Variants in HMGB1 observed in about 807,000 individuals in gnomAD.
The protein encoded by HMGB1 is high mobility group box 1.
For synonymous variants in HMGB1, 81 were observed against 84.0 expected, an observed-to-expected ratio of 0.96 and a Z score of 0.19; for missense variants, 79 against 253.5, an observed-to-expected ratio of 0.31 and a Z score of 4.67.
intron 1 of HMGB1, among the ~76,000 whole-genome samples, chr13:30,560,762 C>A (rs1869915779): frequency 6.6e-6 from 1 of 152,098 alleles, no homozygotes; most frequent in Non-Finnish European, 1.5e-5. Context: ...AGAAGAGGCT[C>A]AGAAAATTCT....
intron 1 of HMGB1, among the ~76,000 whole-genome samples, chr13:30,495,020 A>G (rs1417887064): frequency 2.6e-5 from 4 of 152,148 alleles, no homozygotes; most frequent in African/African-American, 4.8e-5. Context: ...CACCTTTAAG[A>G]TGGAATCATA....
chr13:30,536,490 T>C (rs1390443326), intron 1 of HMGB1, among the ~76,000 whole-genome samples: 1 of 152,152 alleles, frequency 6.6e-6, no homozygotes, highest in Non-Finnish European at 1.5e-5. Context: ...GCTGGGACTA[T>C]AGGCACATGC....
intron 1 of HMGB1, among the ~76,000 whole-genome samples, chr13:30,511,688 G>C (rs1005248046): frequency 3.3e-5 from 5 of 152,266 alleles, no homozygotes; most frequent in Admixed American, 3.3e-4. Context: ...ATCTTAGGCT[G>C]GGCCTTGCAT....
intron 1 of HMGB1, among the ~76,000 whole-genome samples, chr13:30,564,383 T>G (rs538233684): frequency 4.3e-4 from 65 of 151,886 alleles, no homozygotes; most frequent in Admixed American, 1.4e-3. Context: ...CAAGAATCAT[T>G]TGAACCCAGG....
intron 1 of HMGB1, among the ~76,000 whole-genome samples, chr13:30,582,497 G>A (rs1454676324): frequency 6.6e-6 from 1 of 152,038 alleles, no homozygotes; most frequent in African/African-American, 2.4e-5. Context: ...AATTAACCGG[G>A]CGTGGTGGCG....
intron 1 of HMGB1, among the ~76,000 whole-genome samples, chr13:30,549,994 G>A (rs1362827497): frequency 1.3e-5 from 2 of 152,174 alleles, no homozygotes; most frequent in Non-Finnish European, 2.9e-5. Flanking sequence ...TGGGGTTACA[G>A]GCATGAGCCA....
At chr13:30,562,966 G>A (rs1023496431) in intron 1 of HMGB1, among the ~76,000 whole-genome samples, 2 of 152,206 alleles carry the variant, frequency 1.3e-5, no homozygotes, top group South Asian at 2.1e-4. Context: ...TGTTAATGGC[G>A]ATGCCATGTA....
chr13:30,461,802 A>G, intron 4 of HMGB1: 1 of 636,390 alleles, frequency 1.6e-6, no homozygotes, highest in Non-Finnish European at 2.6e-6. Flanking sequence ...TATGTACCAC[A>G]TCCTAACTCT....
At chr13:30,576,047 CATTGGT>C (rs1387796122) in intron 1 of HMGB1, among the ~76,000 whole-genome samples, 2 of 152,200 alleles carry the variant, frequency 1.3e-5, no homozygotes, top group Non-Finnish European at 2.9e-5. Flanking sequence ...TCAAGGCCAA[CATTGGT>C]ATTCTCTCCT....
intron 1 of HMGB1, among the ~76,000 whole-genome samples, chr13:30,532,375 G>T (rs1211027676): frequency 6.7e-6 from 1 of 149,200 alleles, no homozygotes; most frequent in Non-Finnish European, 1.5e-5. Flanking sequence ...TTTGCAACTT[G>T]TTTTTTTTCC....
intron 1 of HMGB1, among the ~76,000 whole-genome samples, chr13:30,494,863 A>G (rs1203984629): frequency 6.6e-6 from 1 of 150,852 alleles, no homozygotes; most frequent in African/African-American, 2.4e-5. Flanking sequence ...GAATTTGACT[A>G]CTCTAGGTGG....
chr13:30,494,203 A>G (rs1887560719), intron 1 of HMGB1, among the ~76,000 whole-genome samples: 1 of 152,056 alleles, frequency 6.6e-6, no homozygotes, highest in Admixed American at 6.6e-5. Flanking sequence ...CTCATCATCT[A>G]CCTAATCAGC....
intron 1 of HMGB1, among the ~76,000 whole-genome samples, chr13:30,565,665 T>C (rs374027698): frequency 2.7e-4 from 41 of 152,306 alleles, no homozygotes; most frequent in African/African-American, 9.4e-4. Context: ...CTGATATGCT[T>C]CCAGAGGGCA....
At chr13:30,472,853 CTTT>C (rs11434170) in intron 1 of HMGB1, among the ~76,000 whole-genome samples, 8 of 144,630 alleles carry the variant, frequency 5.5e-5, no homozygotes, top group Admixed American at 1.4e-4. Context: ...ATACTGAAAA[CTTT>C]TTTTTTTTTT....
chr13:30,540,253 C>A, intron 1 of HMGB1: 1 of 184,664 alleles, frequency 5.4e-6, no homozygotes, highest in Non-Finnish European at 1.2e-5. Context: ...TCTGTAGGGA[C>A]GCTCCTCTTT....
rs561518112 is a variant in HMGB1 at position 30,529,606 on chromosome 13, T to C, written c.-14-65912A>G. Among the ~76,000 whole-genome samples, 5 of 152,324 alleles carry C rather than the reference T, an allele frequency of 3.3e-5. No individual in the cohort carries two copies. In the South Asian group the frequency reaches 1.0e-3, roughly 32 times the overall value. On this transcript the variant is annotated intron_variant, in intron 1 of 4. Transcript: ENST00000405805. ...GGTGATGAACGCAAACTTGATTCAC[T>C]TGTATTGGCTCCTCCAGATGCTGAG...
At chr13:30,474,826 C>G (rs1404804367) in intron 1 of HMGB1, among the ~76,000 whole-genome samples, 2 of 140,484 alleles carry the variant, frequency 1.4e-5, no homozygotes, top group Non-Finnish European at 1.5e-5. Flanking sequence ...AATGGTGCAA[C>G]CTTGGCACTC....
intron 3 of HMGB1, 120 bp from the exon 4 acceptor site, chr13:30,462,832 G>C: frequency 2.7e-6 from 2 of 752,936 alleles, no homozygotes; most frequent in Non-Finnish European, 4.4e-6. Context: ...ATTGGACAGG[G>C]TGCAAATACT....
intron 1 of HMGB1, among the ~76,000 whole-genome samples, chr13:30,594,158 T>C (rs983028884): frequency 6.6e-6 from 1 of 152,198 alleles, no homozygotes. Flanking sequence ...AAGGCACACA[T>C]GTGCATAAGT....
Sources: allele counts gnomAD v4.1 joint callset (sites outside exome capture counted in the v4.1 genomes callset), GRCh38; gene constraint gnomAD v4.1.1; transcripts MANE v1.5; gene names NCBI Gene and HGNC (gene_info 2026-07-23, HGNC 2026-07-21).